CTBP2: variants seen among roughly 807,000 people sequenced by gnomAD.
CTBP2 encodes C-terminal binding protein 2.
In CTBP2, 30 loss-of-function variants were observed where a neutral mutation model predicts 80.3. The observed-to-expected ratio is 0.37, with a 90% CI of 0.28 to 0.51. The LOEUF (loss-of-function observed/expected upper bound fraction) is 0.51. Among genes scored for constraint, CTBP2 ranks in the 20% least tolerant of loss-of-function variants. The probability of loss-of-function intolerance (pLI) is 0.93; values close to 1 mark genes in which losing one functional copy is unlikely to be tolerated. For synonymous variants in CTBP2, 594 were observed against 587.4 expected (o/e 1.01, Z -0.16); for missense variants, 1,212 against 1,375.3 (o/e 0.88, Z 1.88).
chr10:124,996,798 T>TG (rs1347569654), intron 4 of CTBP2: 3 of 152,064 alleles, frequency 2.0e-5, no homozygotes, highest in African/African-American at 7.3e-5. Context: ...TGAGGCCCAG[T>TG]GGGGCCCGGA....
At chr10:125,005,969 C>T in intron 1 of CTBP2, 2 of 1,473,684 alleles carry the variant, frequency 1.4e-6, no homozygotes, top group Non-Finnish European at 1.8e-6. Context: ...AGGTGGGAAT[C>T]CAGAGCCGCT....
Position 124,993,940 on chromosome 10 carries a change from C to G in CTBP2, c.2446G>C (p.Val816Leu), listed in dbSNP as rs1312103857. ...GCTTGTGCTAAGGCTTTCTCGTCCACCAGGCCGCCACGGGCTGCGTTCACA... is the reference window on the plus strand; with the variant it reads ...GCTTGTGCTAAGGCTTTCTCGTCCAGCAGGCCGCCACGGGCTGCGTTCACA... Residue 816 changes from valine (V) to leucine (L), a missense_variant, in exon 6 of 9, where the codon GTG becomes CTG. Around this residue, in one of 3 missense-constraint regions of CTBP2, gnomAD observed 335 missense variants for 504.7 expected, o/e 0.66. Coordinates refer to ENST00000309035, the MANE Select transcript of CTBP2 (RefSeq NM_022802.3). 1.2e-6 allele frequency: 2 copies of G among 1,614,208 alleles called. No homozygotes were observed. Among genetic ancestry groups the G allele is most frequent in the South Asian group, 2.2e-5 (2 of 91,088 alleles).
At chr10:125,004,880 C>T (rs1955022143) in intron 1 of CTBP2, among the ~76,000 whole-genome samples, 1 of 152,196 alleles carries the variant, frequency 6.6e-6, no homozygotes, top group Non-Finnish European at 1.5e-5. Context: ...CAGGAGCCTT[C>T]CACAAAGGCC....
chr10:125,040,291 C>T (rs1239802504), intron 2 of CTBP2, among the ~76,000 whole-genome samples: 1 of 151,858 alleles, frequency 6.6e-6, no homozygotes, highest in African/African-American at 2.4e-5. Context: ...CCCGTCTCTA[C>T]TAAAAATACA....
At chr10:125,121,356 A>T (rs1455937662) in intron 1 of CTBP2, among the ~76,000 whole-genome samples, 1 of 152,218 alleles carries the variant, frequency 6.6e-6, no homozygotes, top group African/African-American at 2.4e-5. Context: ...GAATTCGAGA[A>T]TCCACAGTCC....
At chr10:125,029,277 C>T (rs116565548), upstream of CTBP2, among the ~76,000 whole-genome samples, 335 of 133,032 alleles carry the variant, frequency 2.5e-3, 1 homozygote, top group African/African-American at 9.1e-3. Context: ...GAGTTTTGCT[C>T]GTTTCTCAGG....
At chr10:125,011,175 G>A (rs1484111407) in intron 1 of CTBP2, among the ~76,000 whole-genome samples, 1 of 152,222 alleles carries the variant, frequency 6.6e-6, no homozygotes, top group Non-Finnish European at 1.5e-5. Context: ...AAGGCTGGAT[G>A]TGCCCCATGG....
chr10:125,014,028 T>C (rs893187544), intron 1 of CTBP2, among the ~76,000 whole-genome samples: 2 of 152,206 alleles, frequency 1.3e-5, no homozygotes, highest in African/African-American at 4.8e-5. Flanking sequence ...GCATGCGCTC[T>C]TCCCACCCGG....
chr10:125,073,388 C>T (rs1590554869), intron 2 of CTBP2, among the ~76,000 whole-genome samples: 1 of 152,190 alleles, frequency 6.6e-6, no homozygotes, highest in South Asian at 2.1e-4. Flanking sequence ...GAATTACAAG[C>T]GTGCACCACC....
rs1445248907 is a variant in CTBP2 at position 124,985,276 on chromosome 10, T to C, written c.*4242A>G. On this transcript the variant is annotated 3_prime_UTR_variant, in exon 9 of 9. Coordinates refer to ENST00000309035, the MANE Select transcript of CTBP2 (RefSeq NM_022802.3). ...TAAATCTGTCTATAAATGTAACGCA[T>C]GTGGTTGTGTAAGACATTGTTTAAT... 3.3e-6 allele frequency: 1 copy of C among 307,636 alleles called. No individual in the cohort carries two copies. The highest frequency in any genetic ancestry group is 6.0e-6 in the Non-Finnish European group (1 of 167,250). 19.1% of individuals were successfully genotyped at this position (307,636 alleles called of 1,614,324 possible).
At chr10:125,038,190 G>A (rs1959074204) in intron 3 of CTBP2, among the ~76,000 whole-genome samples, 1 of 152,178 alleles carries the variant, frequency 6.6e-6, no homozygotes, top group Non-Finnish European at 1.5e-5. Context: ...GCAGCTGCAG[G>A]GGAAGCCCTG....
rs1334030651 is a variant in CTBP2 at position 125,141,234 on chromosome 10, T to G, written c.-206+19085A>C. On this transcript the variant is annotated intron_variant, in intron 1 of 10. Coordinates refer to the CTBP2 transcript ENST00000337195. ...ATCCCAGAGTGCAATAGGGACTTCC[T>G]GCCAAGCATCTCCTCTGCTGGGCAC... is the stretch of plus-strand genomic sequence containing the variant. Among the ~76,000 whole-genome samples, 3 of 152,150 alleles carry G rather than the reference T, an allele frequency of 2.0e-5. 1 individual carries two copies. The highest frequency in any genetic ancestry group is 4.4e-5 in the Non-Finnish European group (3 of 68,020).
chr10:125,130,495 T>G (rs760108585), intron 1 of CTBP2, among the ~76,000 whole-genome samples: 2 of 152,172 alleles, frequency 1.3e-5, no homozygotes, highest in Non-Finnish European at 2.9e-5. Context: ...GCAGCTGCTG[T>G]TAAATGCTGT....
intron 4 of CTBP2, chr10:124,995,937 T>C (rs1466770883): frequency 6.6e-6 from 1 of 152,106 alleles, no homozygotes; most frequent in Non-Finnish European, 1.5e-5. Flanking sequence ...TGCACGAACA[T>C]GCTTCAATCA....
At chr10:125,023,880 C>T (rs1250208999) in intron 1 of CTBP2, among the ~76,000 whole-genome samples, 1 of 152,218 alleles carries the variant, frequency 6.6e-6, no homozygotes. Context: ...CCGCCCATCC[C>T]GAAGGGGAGA....
chr10:125,038,671 G>A (rs112770305), intron 3 of CTBP2, among the ~76,000 whole-genome samples: 7 of 152,254 alleles, frequency 4.6e-5, no homozygotes, highest in African/African-American at 1.4e-4. Context: ...GAGATTTCAG[G>A]AAGTGAAAAA....
chr10:125,077,564 T>C (rs1208327537), intron 2 of CTBP2, among the ~76,000 whole-genome samples: 1 of 152,198 alleles, frequency 6.6e-6, no homozygotes, highest in Non-Finnish European at 1.5e-5. Flanking sequence ...GTTCATTTTT[T>C]GAAGGGATCA....
chr10:124,997,636 A>G (rs7904165), intron 4 of CTBP2: 5,506 of 388,712 alleles, frequency 0.014, 266 homozygotes, highest in African/African-American at 0.1. Flanking sequence ...ACACCTCCAT[A>G]CAGCCCCTGC....
chr10:125,039,249 G>C, intron 2 of CTBP2, 94 bp from the exon 3 acceptor site: 2 of 519,870 alleles, frequency 3.8e-6, no homozygotes, highest in South Asian at 2.8e-5. Context: ...TTCTATAAGG[G>C]AACCTGCCAT....
Sources: gnomAD v4.1 joint callset for allele counts (sites outside exome capture counted in the v4.1 genomes callset) on GRCh38, gnomAD v4.1.1 for gene constraint, gnomAD v4.1.1 regional missense constraint, MANE v1.5 for transcripts, NCBI Gene and HGNC (gene_info 2026-07-23, HGNC 2026-07-21) for gene names.